The following RABGGTB variants were observed in gnomAD, a reference collection of about 807,000 sequenced individuals.
RABGGTB encodes the protein geranylgeranyl transferase type-2 subunit beta.
In RABGGTB, 20 loss-of-function variants were observed where a neutral mutation model predicts 44.5. The observed-to-expected ratio is 0.45, with a 90% CI of 0.32 to 0.65. RABGGTB has a LOEUF of 0.65. RABGGTB is among the 30% of genes least tolerant of loss of function. RABGGTB has a pLI of 0.05. For missense variants in RABGGTB, 302 were observed against 398.7 expected, an observed-to-expected ratio of 0.76 and a Z score of 2.06; for synonymous variants, 128 against 136.7, an observed-to-expected ratio of 0.94 and a Z score of 0.44.
chr1:75,786,623 C>T (rs1649495654), intron 1 of RABGGTB: 2 of 308,586 alleles, frequency 6.5e-6, no homozygotes, highest in East Asian at 6.5e-5. Context: ...GATGTGGTCT[C>T]GCTTTAAGAT....
At chr1:75,786,948 T>C (rs1466104119) in intron 1 of RABGGTB, 2 of 369,320 alleles carry the variant, frequency 5.4e-6, no homozygotes, top group Non-Finnish European at 1.1e-5. Context: ...AAAATATGCT[T>C]TCTGCCACAT....
intron 1 of RABGGTB, chr1:75,786,650 A>G (rs1146635): frequency 0.62 from 172,524 of 276,748 alleles, 58,241 homozygotes; most frequent in African/African-American, 0.91. Context: ...TGGGATCAGA[A>G]GAAAATTCGG....
upstream of RABGGTB, chr1:75,786,224 C>A (rs779881751): frequency 6.2e-7 from 1 of 1,613,498 alleles, no homozygotes; most frequent in South Asian, 1.1e-5. Context: ...CGCCCGGCTC[C>A]TAAGTCTACC....
intron 3 of RABGGTB, 165 bp downstream of exon 3, chr1:75,789,521 G>A: frequency 1.2e-6 from 1 of 824,192 alleles, no homozygotes. Context: ...TAAAGTTGAT[G>A]TGAGTTCTAA....
At chr1:75,786,349 C>A (rs922002227) in intron 1 of RABGGTB, 75 bp downstream of exon 1, 7 of 1,578,364 alleles carry the variant, frequency 4.4e-6, no homozygotes, top group Non-Finnish European at 6.1e-6. Flanking sequence ...GCACACTGGT[C>A]ACCTTAGGAT....
intron 7 of RABGGTB, 120 bp from the exon 8 acceptor site, chr1:75,793,964 C>T (rs1355096225): frequency 8.0e-6 from 9 of 1,127,698 alleles, no homozygotes; most frequent in Non-Finnish European, 1.1e-5. Flanking sequence ...CGTCCTTCCA[C>T]ATGGTTTGAC....
chr1:75,789,384 C>T, intron 3 of RABGGTB, 28 bp downstream of exon 3: 1 of 1,584,562 alleles, frequency 6.3e-7, no homozygotes, highest in Non-Finnish European at 8.7e-7. Context: ...TTGCAACGAT[C>T]TTGATAGTAT....
Position 75,786,580 on chromosome 1 carries a change from G to A in RABGGTB, c.3+306G>A, listed in dbSNP as rs149594569. Reference sequence around the variant, plus strand: ...TGGTGGCTTTTTTTTTTCTTGGAGAGGGGGTGTCAAAGATTTCTTTAAAAT... The same window carrying A: ...TGGTGGCTTTTTTTTTTCTTGGAGAAGGGGTGTCAAAGATTTCTTTAAAAT... On this transcript the variant is annotated intron_variant, in intron 1 of 8. Coordinates refer to ENST00000319942, the MANE Select transcript of RABGGTB (RefSeq NM_004582.4). 2,295 of 394,974 alleles carry A rather than the reference G, an allele frequency of 5.8e-3. 28 individuals carry two copies. Among genetic ancestry groups the A allele is most frequent in the Admixed American group, 0.041 (959 of 23,478 alleles). The allele number at this position is 394,974 out of a possible 1,614,324, so 24.5% of individuals were successfully genotyped here.
chr1:75,794,638 G>GC lies in RABGGTB; in HGVS notation c.985dup (p.Leu329ProfsTer9), dbSNP rs1649725160. ...TTCAGAGAGTGAATGTTCAGCCTGAGCTAGTGAGCTAGATTCATTGAATTG... is the reference window on the plus strand; with the variant it reads ...TTCAGAGAGTGAATGTTCAGCCTGAGCCTAGTGAGCTAGATTCATTGAATTG... On this transcript the variant is annotated frameshift_variant, in exon 9 of 9. Transcript: ENST00000319942. LOFTEE classifies it high-confidence loss of function. The GC allele has an allele frequency of 1.9e-6, 3 of 1,606,566 alleles. No homozygotes were observed. The East Asian group carries it at 6.7e-5, about 36-fold the overall frequency.
intron 2 of RABGGTB, 99 bp downstream of exon 2, chr1:75,787,703 C>T (rs1338729348): frequency 3.2e-6 from 3 of 944,046 alleles, no homozygotes; most frequent in South Asian, 2.8e-5. Context: ...CATCCAACTC[C>T]ATGCAGAGAA....
chr1:75,789,290 A>C lies in RABGGTB; in HGVS notation c.243A>C (p.Glu81Asp), dbSNP rs779268955. ...ILAFIKSCQHECGGISASIGH... is the reference protein window; with the variant it reads ...ILAFIKSCQHDCGGISASIGH... Reference sequence around the variant, plus strand: ...CATTTATTAAGTCTTGCCAACATGAATGTGGTGGAATAAGTGCTAGTATCG... The same window carrying C: ...CATTTATTAAGTCTTGCCAACATGACTGTGGTGGAATAAGTGCTAGTATCG... The change falls in exon 3 of 9, where the codon GAA becomes GAC. Residue 81 changes from glutamate to aspartate, a missense_variant. Physicochemically the swap from Glu to Asp is conservative, Grantham distance 45. Transcript: ENST00000319942. 2.1e-5 allele frequency: 34 copies of C among 1,614,126 alleles called. No homozygotes were observed. Among genetic ancestry groups the C allele is most frequent in the Admixed American group, 1.7e-4 (10 of 60,020 alleles).
At chr1:75,786,353 T>G in intron 1 of RABGGTB, 79 bp downstream of exon 1, 1 of 1,567,150 alleles carries the variant, frequency 6.4e-7, no homozygotes, top group Non-Finnish European at 8.8e-7. Flanking sequence ...ACTGGTCACC[T>G]TAGGATTGGT....
chr1:75,787,475 G>C, intron 1 of RABGGTB, 22 bp from the exon 2 acceptor site: 1 of 1,561,048 alleles, frequency 6.4e-7, no homozygotes, highest in South Asian at 1.1e-5. Context: ...ACATTGATGA[G>C]ATTACCACTT....
At position 75,789,303 on chromosome 1, in the gene RABGGTB, A is replaced by C. The variant is rs1192243896; in HGVS notation, c.256A>C (p.Ser86Arg). ...KSCQHECGGI[S>R]ASIGHDPHLL... ...TTGCCAACATGAATGTGGTGGAATA[A>C]GTGCTAGTATCGGACATGATCCTCA... The change falls in exon 3 of 9, where the codon AGT becomes CGT. Residue 86 changes from serine (S) to arginine (R), a missense_variant. By Grantham distance (110) the Ser-to-Arg change is moderately radical. Coordinates refer to ENST00000319942, the MANE Select transcript of RABGGTB (RefSeq NM_004582.4). The C allele has an allele frequency of 6.2e-7, 1 of 1,614,022 alleles. No homozygotes were observed. The highest frequency in any genetic ancestry group is 8.5e-7 in the Non-Finnish European group (1 of 1,180,016).
At chr1:75,786,209 G>A (rs1001038088), upstream of RABGGTB, 56 of 1,606,668 alleles carry the variant, frequency 3.5e-5, no homozygotes, top group Non-Finnish European at 4.3e-5. Flanking sequence ...GCGCATCTGC[G>A]CAGGCGCCCG....
upstream of RABGGTB, chr1:75,786,248 T>G: frequency 6.2e-7 from 1 of 1,614,148 alleles, no homozygotes; most frequent in Non-Finnish European, 8.5e-7. Flanking sequence ...GAACTGACCC[T>G]GCTCTCTCCT....
intron 1 of RABGGTB, chr1:75,787,216 TTTGTTGTTGTTG>T: frequency 1.6e-6 from 1 of 628,260 alleles, no homozygotes; most frequent in East Asian, 3.1e-5. Context: ...TTGGATACAA[TTTGTTGTTGTTG>T]TTGTTGTTTT....
In RABGGTB at chr1:75,791,448, T is replaced by G; in HGVS notation, c.469-13T>G. ...CTCTGGAATTTAACAGGCATCTTTTTTTTTGTTTGTAGGGGAAGCTTGATG... is the reference window on the plus strand; with the variant it reads ...CTCTGGAATTTAACAGGCATCTTTTGTTTTGTTTGTAGGGGAAGCTTGATG... On this transcript the variant is annotated splice_polypyrimidine_tract_variant and intron_variant, in intron 5 of 8. Coordinates refer to ENST00000319942, the MANE Select transcript of RABGGTB (RefSeq NM_004582.4). 1 of 1,602,188 alleles carries G rather than the reference T, an allele frequency of 6.2e-7. No individual in the cohort carries two copies. The highest frequency in any genetic ancestry group is 8.5e-7 in the Non-Finnish European group (1 of 1,174,808).
chr1:75,786,361 G>C, intron 1 of RABGGTB, 87 bp downstream of exon 1: 1 of 1,547,694 alleles, frequency 6.5e-7, no homozygotes, highest in Non-Finnish European at 8.9e-7. Flanking sequence ...CCTTAGGATT[G>C]GTTTCCTGGT....
Sources: gnomAD v4.1 joint callset for allele counts on GRCh38, gnomAD v4.1.1 for gene constraint, MANE v1.5 for transcripts, NCBI Gene and HGNC (gene_info 2026-07-23, HGNC 2026-07-21) for gene names.